Variants in ZNF723 observed in about 807,000 individuals in gnomAD.
ZNF723 encodes the protein zinc finger protein 723.
In ZNF723, 5 loss-of-function variants were observed where a neutral mutation model predicts 9.4. The ratio of observed to expected loss-of-function variants is 0.53; its 90% CI spans 0.28 to 1.12. ZNF723 has a LOEUF of 1.12. Among genes scored for constraint, ZNF723 ranks in the 50% most tolerant of loss-of-function variants. The pLI is 0.10. For missense variants in ZNF723, 450 were observed against 501.5 expected, an observed-to-expected ratio of 0.90 and a Z score of 0.98; for synonymous variants, 158 against 168.8, an observed-to-expected ratio of 0.94 and a Z score of 0.49.
intron 1 of ZNF723, among the ~76,000 whole-genome samples, chr19:22,837,790 C>A (rs1299841943): frequency 2.0e-5 from 3 of 152,178 alleles, no homozygotes; most frequent in Non-Finnish European, 4.4e-5. Context: ...AAAAATTTAA[C>A]CATGGCATTT....
In ZNF723 at chr19:22,858,378, T is replaced by G; in HGVS notation, c.1487T>G (p.Leu496Arg). 1 of 851,066 alleles carries G rather than the reference T, an allele frequency of 1.2e-6. No homozygotes were observed. The highest frequency in any genetic ancestry group is 1.9e-6 in the Non-Finnish European group (1 of 518,702). The allele number at this position is 851,066 out of a possible 1,614,324, so 52.7% of individuals were successfully genotyped here. A position where few individuals can be genotyped will look rare whatever the true frequency, so the allele number is the denominator to read the frequency against. The change falls in exon 4 of 4, where the codon CTT becomes CGT. Residue 496 changes from leucine to arginine, a missense_variant. Leu to Arg is a moderately radical substitution (Grantham distance 102). This residue lies in a region of ZNF723 where 43 missense variants were observed against 22.2 expected (regional missense o/e 1.94). Transcript: ENST00000600766. ...CGKAFNKSSI[L>R]NRHKIIHTKE... ...AAAGCCTTTAACAAGTCCTCAATTC[T>G]TAACAGACATAAGATAATTCATACT...
chr19:22,812,227 T>C, the ZNF723 span, among the ~76,000 whole-genome samples: 13 of 152,134 alleles, frequency 8.5e-5, no homozygotes, highest in Non-Finnish European at 1.6e-4. Flanking sequence ...TGCCTCAGCC[T>C]CCTAAAGTGC....
At chr19:22,842,252 G>C (rs894576413) in intron 1 of ZNF723, among the ~76,000 whole-genome samples, 1 of 152,064 alleles carries the variant, frequency 6.6e-6, no homozygotes, top group African/African-American at 2.4e-5. Context: ...TGATCGACCC[G>C]CCTCGGCCTT....
the ZNF723 span, among the ~76,000 whole-genome samples, chr19:22,813,030 G>A: frequency 1.3e-5 from 2 of 152,074 alleles, no homozygotes; most frequent in East Asian, 3.9e-4. Context: ...CTGGAGTACG[G>A]TGTCATGATC....
chr19:22,857,971 G>T lies in ZNF723; in HGVS notation c.1080G>T (p.Lys360Asn). 4 of 1,536,556 alleles carry T rather than the reference G, an allele frequency of 2.6e-6. No homozygotes were observed. Among genetic ancestry groups the T allele is most frequent in the Non-Finnish European group, 3.6e-6 (4 of 1,110,600 alleles). ...FSQSSHITTH[K>N]RIHTGEKPYK... ...AGTCCTCACACATTACTACACATAA[G>T]AGAATTCACACTGGAGAGAAACCCT... Residue 360 changes from lysine to asparagine, a missense_variant, in exon 4 of 4, where the codon AAG becomes AAT. By Grantham distance (94) the Lys-to-Asn change is moderately conservative (BLOSUM62 0). This residue lies in a region of ZNF723 where 237 missense variants were observed against 332.2 expected (regional missense o/e 0.71). Transcript: ENST00000600766.
intron 2 of ZNF723, among the ~76,000 whole-genome samples, chr19:22,848,764 TATTTATTTATGA>T (rs1315696298): frequency 4.0e-5 from 6 of 151,192 alleles, no homozygotes; most frequent in African/African-American, 1.2e-4. Flanking sequence ...TTTATTTATT[TATTTATTTATGA>T]GATGGAATGT....
intron 1 of ZNF723, among the ~76,000 whole-genome samples, chr19:22,838,632 A>G (rs994183766): frequency 2.6e-5 from 4 of 152,010 alleles, no homozygotes; most frequent in Admixed American, 6.5e-5. Flanking sequence ...AGTTTCATCC[A>G]TGTTGCTGCA....
chr19:22,833,593 C>T (rs113469679), intron 1 of ZNF723, among the ~76,000 whole-genome samples: 4 of 152,028 alleles, frequency 2.6e-5, no homozygotes, highest in East Asian at 3.9e-4. Flanking sequence ...ACTTTTCCTC[C>T]GTAATAAAGA....
rs1967511693 is a variant in ZNF723, at chr19:22,858,224, A to G, written c.1333A>G (p.Ile445Val). ...ATCCTCAACCCTTACTAAACATAAG[A>G]TAATTCATACTAAAGAGAAACCCTA... Reference protein sequence around the residue: ...SQSSTLTKHKIIHTKEKPYKC... With the variant: ...SQSSTLTKHKVIHTKEKPYKC... The change falls in exon 4 of 4, where the codon ATA becomes GTA. Residue 445 changes from isoleucine (I) to valine (V), a missense_variant. Physicochemically the swap from Ile to Val is conservative, Grantham distance 29. Transcript: ENST00000600766. The G allele has an allele frequency of 2.2e-6, 3 of 1,367,046 alleles. No individual in the cohort carries two copies. The highest frequency in any genetic ancestry group is 4.6e-5 in the East Asian group (2 of 43,674). 84.7% of individuals were successfully genotyped at this position (1,367,046 alleles called of 1,614,324 possible). A position where few individuals can be genotyped will look rare whatever the true frequency, so the allele number is the denominator to read the frequency against.
At chr19:22,814,519 C>T in the ZNF723 span, among the ~76,000 whole-genome samples, 2 of 152,178 alleles carry the variant, frequency 1.3e-5, no homozygotes, top group Non-Finnish European at 2.9e-5. Flanking sequence ...ATTCAGGACA[C>T]CTGTGAGCCT....
At chr19:22,819,336 C>G in the ZNF723 span, among the ~76,000 whole-genome samples, 2 of 152,184 alleles carry the variant, frequency 1.3e-5, no homozygotes, top group Non-Finnish European at 2.9e-5. Context: ...GGTTACATGA[C>G]TGTCCTCTTC....
upstream of ZNF723, among the ~76,000 whole-genome samples, chr19:22,828,793 G>T (rs1023306713): frequency 2.0e-5 from 3 of 152,092 alleles, no homozygotes; most frequent in Non-Finnish European, 4.4e-5. Context: ...GAAGAAAATA[G>T]GTAGATCCTA....
intron 1 of ZNF723, among the ~76,000 whole-genome samples, chr19:22,835,069 G>GTTTTTTTTTTTT (rs57260930): frequency 1.4e-5 from 2 of 139,702 alleles, no homozygotes; most frequent in Non-Finnish European, 1.5e-5. Flanking sequence ...TTTGTTGGTT[G>GTTTTTTTTTTTT]TTTTTTTTTT....
intron 3 of ZNF723, among the ~76,000 whole-genome samples, chr19:22,856,906 G>T (rs143446969): frequency 6.6e-6 from 1 of 152,204 alleles, no homozygotes; most frequent in Non-Finnish European, 1.5e-5. Flanking sequence ...GCTCTTTGTG[G>T]CACTGCACAT....
the ZNF723 span, among the ~76,000 whole-genome samples, chr19:22,819,272 T>C: frequency 7.9e-5 from 12 of 152,202 alleles, no homozygotes; most frequent in Non-Finnish European, 1.6e-4. Flanking sequence ...GTAACTTTAC[T>C]CTTTTGCCTG....
At chr19:22,832,881 G>T (rs367737446) in intron 1 of ZNF723, among the ~76,000 whole-genome samples, 18 of 152,294 alleles carry the variant, frequency 1.2e-4, no homozygotes, top group African/African-American at 3.8e-4. Context: ...TTGAAGAAAA[G>T]ACTTTTATAA....
chr19:22,832,248 C>T (rs541346837), upstream of ZNF723: 22 of 1,006,576 alleles, frequency 2.2e-5, no homozygotes, highest in Non-Finnish European at 3.0e-5. Context: ...CAATCAGACC[C>T]GCAGCTAGAG....
the ZNF723 span, among the ~76,000 whole-genome samples, chr19:22,818,377 T>C: frequency 6.6e-6 from 1 of 152,098 alleles, no homozygotes; most frequent in African/African-American, 2.4e-5. Flanking sequence ...CCAGAAGAAC[T>C]CACAAATTGA....
At chr19:22,855,995 T>C (rs1967472946) in intron 3 of ZNF723, among the ~76,000 whole-genome samples, 1 of 152,144 alleles carries the variant, frequency 6.6e-6, no homozygotes, top group Non-Finnish European at 1.5e-5. Flanking sequence ...GTCTTGCTCT[T>C]GTCTCCCAGG....
Sources: gnomAD v4.1 joint callset for allele counts (sites outside exome capture counted in the v4.1 genomes callset) on GRCh38, gnomAD v4.1.1 for gene constraint, gnomAD v4.1.1 regional missense constraint, MANE v1.5 for transcripts, NCBI Gene and HGNC (gene_info 2026-07-23, HGNC 2026-07-21) for gene names.